The following NEGR1 variants were observed in gnomAD, a reference collection of about 807,000 sequenced individuals.
NEGR1 encodes neuronal growth regulator 1, also known as IgLON family member 4.
Under a neutral mutation model 40.9 loss-of-function variants are expected in NEGR1, and 10 were observed. The ratio of observed to expected loss-of-function variants is 0.24; its 90% CI spans 0.15 to 0.42. NEGR1 has a LOEUF of 0.42. Among genes scored for constraint, NEGR1 ranks in the 10% least tolerant of loss-of-function variants. The pLI is 1.00. For synonymous variants in NEGR1, 185 were observed against 166.8 expected, an observed-to-expected ratio of 1.11 and a Z score of -0.84; for missense variants, 352 against 438.9, an observed-to-expected ratio of 0.80 and a Z score of 1.77.
chr1:72,015,354 A>C (rs1646700096), intron 1 of NEGR1, among the ~76,000 whole-genome samples: 1 of 152,088 alleles, frequency 6.6e-6, no homozygotes, highest in Non-Finnish European at 1.5e-5. Context: ...AGATGTATAC[A>C]ATTTTGTGGT....
intron 6 of NEGR1, among the ~76,000 whole-genome samples, chr1:71,451,903 C>G (rs1646631883): frequency 6.6e-6 from 1 of 152,182 alleles, no homozygotes; most frequent in Non-Finnish European, 1.5e-5. Context: ...GTAATCTTCA[C>G]TAGAGCTTAA....
At chr1:72,062,911 T>C (rs1316963478) in intron 1 of NEGR1, among the ~76,000 whole-genome samples, 1 of 151,970 alleles carries the variant, frequency 6.6e-6, no homozygotes, top group African/African-American at 2.4e-5. Flanking sequence ...TCAGCTTCAG[T>C]CTTCTCTGTT....
chr1:71,550,157 C>T (rs1162213146), intron 6 of NEGR1, among the ~76,000 whole-genome samples: 2 of 151,520 alleles, frequency 1.3e-5, no homozygotes, highest in East Asian at 2.0e-4. Context: ...TTTTTAGCCT[C>T]GTCATCCTTT....
intron 2 of NEGR1, among the ~76,000 whole-genome samples, chr1:71,871,391 A>G (rs1242928914): frequency 6.6e-6 from 1 of 152,168 alleles, no homozygotes; most frequent in African/African-American, 2.4e-5. Flanking sequence ...ATGTTTCAGG[A>G]TAATATTGTC....
At chr1:71,792,458 A>T (rs979495600) in intron 2 of NEGR1, among the ~76,000 whole-genome samples, 4 of 152,102 alleles carry the variant, frequency 2.6e-5, no homozygotes, top group African/African-American at 9.7e-5. Flanking sequence ...CTAAACCCAC[A>T]CACTTTCTTC....
intron 1 of NEGR1, among the ~76,000 whole-genome samples, chr1:72,117,884 A>G (rs1649641349): frequency 6.6e-6 from 1 of 151,732 alleles, no homozygotes; most frequent in Non-Finnish European, 1.5e-5. Flanking sequence ...ATTTAAGAGA[A>G]GTGGTGAAAA....
intron 2 of NEGR1, among the ~76,000 whole-genome samples, chr1:71,800,800 C>G (rs1009784442): frequency 2.6e-5 from 4 of 152,054 alleles, no homozygotes; most frequent in South Asian, 2.1e-4. Context: ...AGTGTTTTAC[C>G]TTAATTAGAT....
In NEGR1 at chr1:71,661,723, T is replaced by A. The variant is rs1420799797; in HGVS notation, c.667+36285A>T. Among the ~76,000 whole-genome samples the A allele has an allele frequency of 3.3e-5, 5 of 152,314 alleles. No individual in the cohort carries two copies. In the East Asian group the frequency reaches 9.7e-4, roughly 29 times the overall value. ...ATCTGATGCTAAGTTCTGTGTCCCTTCTTTTCATACTACCATCTAGCCTAA... is the reference window on the plus strand; with the variant it reads ...ATCTGATGCTAAGTTCTGTGTCCCTACTTTTCATACTACCATCTAGCCTAA... On this transcript the variant is annotated intron_variant, in intron 4 of 6. Coordinates refer to ENST00000357731, the MANE Select transcript of NEGR1 (RefSeq NM_173808.3).
intron 2 of NEGR1, among the ~76,000 whole-genome samples, chr1:71,845,751 C>T (rs1419601644): frequency 1.3e-5 from 2 of 151,904 alleles, no homozygotes; most frequent in Admixed American, 6.6e-5. Context: ...ACCTACCTAC[C>T]TACCTACATA....
At chr1:71,627,088 T>C (rs1041782988) in intron 4 of NEGR1, among the ~76,000 whole-genome samples, 14 of 152,252 alleles carry the variant, frequency 9.2e-5, no homozygotes, top group Admixed American at 6.5e-4. Flanking sequence ...GTCAGTGTGG[T>C]GATTCCTCAG....
At chr1:71,620,171 A>G (rs1039272378) in intron 4 of NEGR1, among the ~76,000 whole-genome samples, 1 of 152,042 alleles carries the variant, frequency 6.6e-6, no homozygotes, top group Non-Finnish European at 1.5e-5. Flanking sequence ...AGAGAAGAAG[A>G]GTAGTAATGT....
chr1:72,218,774 A>G (rs1161878657), intron 1 of NEGR1, among the ~76,000 whole-genome samples: 2 of 152,052 alleles, frequency 1.3e-5, no homozygotes, highest in Non-Finnish European at 2.9e-5. Flanking sequence ...TGGGTAAGAT[A>G]AGGGGAGGAT....
intron 1 of NEGR1, among the ~76,000 whole-genome samples, chr1:72,034,466 C>T (rs1646885353): frequency 6.6e-6 from 1 of 152,136 alleles, no homozygotes; most frequent in Non-Finnish European, 1.5e-5. Flanking sequence ...GCTTTACATG[C>T]CTTGGTTTCT....
chr1:72,008,866 A>G (rs1230178730), intron 1 of NEGR1, among the ~76,000 whole-genome samples: 1 of 152,076 alleles, frequency 6.6e-6, no homozygotes, highest in Admixed American at 6.6e-5. Context: ...TACACCACTG[A>G]TATTTTTGAA....
intron 3 of NEGR1, among the ~76,000 whole-genome samples, chr1:71,723,016 C>T (rs1654560173): frequency 1.5e-5 from 2 of 137,878 alleles, no homozygotes; most frequent in Non-Finnish European, 3.1e-5. Context: ...ATGTACTTTT[C>T]CTAGAAAGTT....
chr1:72,109,159 A>G (rs1557530743), intron 1 of NEGR1, among the ~76,000 whole-genome samples: 1 of 151,718 alleles, frequency 6.6e-6, no homozygotes, highest in Non-Finnish European at 1.5e-5. Context: ...TGACAGTAGC[A>G]AGCCTAGAAT....
At chr1:71,900,466 T>A (rs929648275) in intron 2 of NEGR1, among the ~76,000 whole-genome samples, 5 of 152,182 alleles carry the variant, frequency 3.3e-5, no homozygotes, top group African/African-American at 1.2e-4. Context: ...TCCCTAAGCA[T>A]ATTTATTTAG....
chr1:71,476,952 T>C (rs866733635), intron 6 of NEGR1: 3 of 152,160 alleles, frequency 2.0e-5, no homozygotes, highest in African/African-American at 7.2e-5. Context: ...TTTGGGAACA[T>C]CCAAAGTTAT....
At chr1:71,796,883 CTT>C (rs1481320268) in intron 2 of NEGR1, among the ~76,000 whole-genome samples, 1 of 152,074 alleles carries the variant, frequency 6.6e-6, no homozygotes, top group Non-Finnish European at 1.5e-5. Flanking sequence ...CTCAGAAAGA[CTT>C]TTTAAAAGTT....
Sources: gnomAD v4.1 joint callset for allele counts (sites outside exome capture counted in the v4.1 genomes callset) on GRCh38, gnomAD v4.1.1 for gene constraint, MANE v1.5 for transcripts, NCBI Gene and HGNC (gene_info 2026-07-23, HGNC 2026-07-21) for gene names.